The following STAG1 variants were observed in gnomAD, a reference collection of about 807,000 sequenced individuals.
STAG1 encodes cohesin subunit SA-1.
STAG1 carries 26 observed loss-of-function variants against 170.9 expected under a neutral mutation model. That is an observed-to-expected ratio of 0.15 (90% confidence interval 0.11 to 0.21). The LOEUF (loss-of-function observed/expected upper bound fraction) is 0.21, where lower values mean the gene tolerates loss of function less well. STAG1 is among the 10% of genes least tolerant of loss of function. The pLI is 1.00. For synonymous variants in STAG1, 514 were observed against 497.7 expected (o/e 1.03, Z -0.44); for missense variants, 964 against 1,509.5 (o/e 0.64, Z 5.99).
At chr3:136,736,657 C>T in intron 1 of STAG1, 2 of 1,604,762 alleles carry the variant, frequency 1.2e-6, no homozygotes, top group Non-Finnish European at 1.7e-6. Flanking sequence ...TTGGCTTTTT[C>T]TTGAGCTTCA....
intron 12 of STAG1, among the ~76,000 whole-genome samples, chr3:136,465,919 C>T (rs963589724): frequency 6.6e-6 from 1 of 152,122 alleles, no homozygotes; most frequent in African/African-American, 2.4e-5. Flanking sequence ...CAGTGCATGC[C>T]TGCCATCCCA....
intron 1 of STAG1, among the ~76,000 whole-genome samples, chr3:136,738,722 C>T (rs1464207206): frequency 6.6e-6 from 1 of 152,130 alleles, no homozygotes; most frequent in Non-Finnish European, 1.5e-5. Context: ...AGATCTATTG[C>T]ACCACATGAT....
At chr3:136,744,244 T>C (rs563563807) in intron 1 of STAG1, among the ~76,000 whole-genome samples, 1 of 152,306 alleles carries the variant, frequency 6.6e-6, no homozygotes, top group African/African-American at 2.4e-5. Context: ...GGAGAATTGC[T>C]TGAACTGGGG....
At chr3:136,712,928 G>A (rs888599429) in intron 1 of STAG1, among the ~76,000 whole-genome samples, 4 of 151,998 alleles carry the variant, frequency 2.6e-5, no homozygotes, top group South Asian at 2.1e-4. Flanking sequence ...TCATCTCTAC[G>A]AAAAATACAA....
At chr3:136,599,690 G>C (rs528836243) in intron 4 of STAG1, among the ~76,000 whole-genome samples, 1 of 151,860 alleles carries the variant, frequency 6.6e-6, no homozygotes, top group Non-Finnish European at 1.5e-5. Context: ...CATTCTAACT[G>C]AGTCCAATAA....
At chr3:136,391,970 TATTTAATA>T (rs1430284911) in intron 22 of STAG1, among the ~76,000 whole-genome samples, 6 of 152,246 alleles carry the variant, frequency 3.9e-5, no homozygotes, top group Admixed American at 2.0e-4. Flanking sequence ...TCATAAACTT[TATTTAATA>T]GTGTTTACTG....
intron 1 of STAG1, among the ~76,000 whole-genome samples, chr3:136,658,278 T>C (rs1240500713): frequency 6.6e-6 from 1 of 152,084 alleles, no homozygotes; most frequent in Non-Finnish European, 1.5e-5. Context: ...GGAACATTTA[T>C]TGAACTTTAA....
chr3:136,410,783 G>A (rs1428726034), intron 21 of STAG1, among the ~76,000 whole-genome samples: 1 of 152,182 alleles, frequency 6.6e-6, no homozygotes, highest in African/African-American at 2.4e-5. Flanking sequence ...AGACCAGCCT[G>A]GTCAACATAG....
intron 13 of STAG1, among the ~76,000 whole-genome samples, chr3:136,455,148 TC>T (rs774468536): frequency 2.0e-5 from 3 of 152,174 alleles, no homozygotes; most frequent in Non-Finnish European, 4.4e-5. Flanking sequence ...TGGCAGATAT[TC>T]TAATAAAAAC....
At chr3:136,736,870 T>C (rs1934370490) in intron 1 of STAG1, 2 of 1,584,608 alleles carry the variant, frequency 1.3e-6, no homozygotes, top group South Asian at 2.2e-5. Flanking sequence ...AACGTATTCT[T>C]TTCCTGCCTG....
At chr3:136,507,357 T>C (rs1355645900) in intron 7 of STAG1, among the ~76,000 whole-genome samples, 1 of 152,100 alleles carries the variant, frequency 6.6e-6, no homozygotes, top group Non-Finnish European at 1.5e-5. Flanking sequence ...CCATATAAAA[T>C]TTTTTTACTT....
At chr3:136,598,198 C>T (rs1938514098) in intron 4 of STAG1, among the ~76,000 whole-genome samples, 1 of 152,092 alleles carries the variant, frequency 6.6e-6, no homozygotes, top group African/African-American at 2.4e-5. Flanking sequence ...CTTCTTTAAC[C>T]TTTCTATTTA....
At chr3:136,642,377 T>C (rs1325037659) in intron 1 of STAG1, among the ~76,000 whole-genome samples, 2 of 148,490 alleles carry the variant, frequency 1.3e-5, no homozygotes, top group Admixed American at 6.7e-5. Flanking sequence ...GTTCATGCAA[T>C]TCTCCTGCCT....
chr3:136,484,111 G>C (rs1307840329), intron 9 of STAG1, among the ~76,000 whole-genome samples: 1 of 139,508 alleles, frequency 7.2e-6, no homozygotes, highest in Admixed American at 7.4e-5. Flanking sequence ...GCTTTGTTCC[G>C]TTGCTGGTGA....
At chr3:136,631,423 C>T (rs58206781) in intron 1 of STAG1, among the ~76,000 whole-genome samples, 14,081 of 152,178 alleles carry the variant, frequency 0.093, 2,117 homozygotes, top group African/African-American at 0.32. Flanking sequence ...GATGAACAGG[C>T]AGATCACAGA....
At chr3:136,369,373 T>C in intron 23 of STAG1, 91 bp from the exon 24 acceptor site, 2 of 947,176 alleles carry the variant, frequency 2.1e-6, no homozygotes, top group Non-Finnish European at 3.0e-6. Flanking sequence ...AAAACATAGT[T>C]TAATAGCAGT....
At position 136,670,124 on chromosome 3, in the gene STAG1, AATC is replaced by A. The variant is rs571759680; in HGVS notation, c.-83-39146_-83-39144del. Among the ~76,000 whole-genome samples, 25 of 152,360 alleles carry A rather than the reference AATC, an allele frequency of 1.6e-4. No individual in the cohort carries two copies. The South Asian group carries it at 3.5e-3, about 21-fold the overall frequency. On this transcript the variant is annotated intron_variant, in intron 1 of 33. Coordinates refer to ENST00000383202, the MANE Select transcript of STAG1 (RefSeq NM_005862.3). Reference sequence around the variant, plus strand: ...GGAGTCTACAGTCAAGTTATTCACTAATCATTTTGATATTATAGAATCATCCAA... The same window carrying A: ...GGAGTCTACAGTCAAGTTATTCACTAATTTTGATATTATAGAATCATCCAA...
intron 1 of STAG1, among the ~76,000 whole-genome samples, chr3:136,650,382 CTA>C (rs1941176553): frequency 6.6e-6 from 1 of 152,064 alleles, no homozygotes; most frequent in African/African-American, 2.4e-5. Context: ...TAAAGATTGA[CTA>C]ATGATTATTT....
chr3:136,730,438 T>C (rs762266304), intron 1 of STAG1, among the ~76,000 whole-genome samples: 28 of 152,208 alleles, frequency 1.8e-4, no homozygotes, highest in South Asian at 2.1e-4. Context: ...TTTCCAGCTA[T>C]GTAACATTGG....
Sources: allele counts gnomAD v4.1 joint callset (sites outside exome capture counted in the v4.1 genomes callset), GRCh38; gene constraint gnomAD v4.1.1; transcripts MANE v1.5; gene names NCBI Gene and HGNC (gene_info 2026-07-23, HGNC 2026-07-21).